Variants in ZZEF1 observed in about 807,000 individuals in gnomAD.
ZZEF1 encodes the protein zinc finger ZZ-type and EF-hand domain containing 1, also known as zinc finger ZZ-type and EF-hand domain-containing protein 1.
In ZZEF1, 157 loss-of-function variants were observed where a neutral mutation model predicts 342.8. That is an observed-to-expected ratio of 0.46 (90% CI 0.40 to 0.52). The LOEUF is 0.52. ZZEF1 is among the 20% of genes least tolerant of loss of function. The pLI, the probability that ZZEF1 is intolerant of heterozygous loss-of-function variation, is 0.00. For synonymous variants in ZZEF1, 1,505 were observed against 1,429.1 expected, an observed-to-expected ratio of 1.05 and a Z score of -1.20; for missense variants, 3,480 against 3,725.6, an observed-to-expected ratio of 0.93 and a Z score of 1.72.
At chr17:4,089,026 T>G (rs1803302878) in intron 12 of ZZEF1, 133 bp from the exon 13 acceptor site, 5 of 711,896 alleles carry the variant, frequency 7.0e-6, no homozygotes, top group Non-Finnish European at 9.2e-6. Flanking sequence ...TGCTCAGCAC[T>G]AGGGACACAA....
At position 4,061,500 on chromosome 17, in the gene ZZEF1, C is replaced by G. The variant is rs559573473; in HGVS notation, c.4883+1253G>C. On this transcript the variant is annotated intron_variant, in intron 30 of 54. Coordinates refer to ENST00000381638, the MANE Select transcript of ZZEF1 (RefSeq NM_015113.4). ...ACTGCATCCAAATTCTATCCCTAGTCCTGACTTCTTTCCGTAACTTTAGTT... is the reference window on the plus strand; with the variant it reads ...ACTGCATCCAAATTCTATCCCTAGTGCTGACTTCTTTCCGTAACTTTAGTT... 1.8e-4 allele frequency among the ~76,000 whole-genome samples: 27 copies of G among 152,232 alleles called. No individual in the cohort carries two copies. The East Asian group carries it at 5.2e-3, about 29-fold the overall frequency.
rs561302721 is a variant in ZZEF1 at position 4,054,347 on chromosome 17, T to C, written c.5296-152A>G. ...AATGAATAAGCTCCTCAGTGTCTAG[T>C]TGGGAATTCCATCAAGGAGGTGATG... On this transcript the variant is annotated intron_variant, in intron 33 of 54. Transcript: ENST00000381638. The C allele has an allele frequency of 5.9e-6, 5 of 844,388 alleles. No individual in the cohort carries two copies. The East Asian group carries it at 8.4e-5, about 14-fold the overall frequency. 52.3% of individuals were successfully genotyped at this position (844,388 alleles called of 1,614,324 possible). A position where few individuals can be genotyped will look rare whatever the true frequency, so the allele number is the denominator to read the frequency against.
chr17:4,070,972 A>C, intron 25 of ZZEF1, 48 bp from the exon 26 acceptor site: 1 of 1,584,930 alleles, frequency 6.3e-7, no homozygotes. Flanking sequence ...TCATTCAAAA[A>C]ATAAAATTTA....
intron 42 of ZZEF1, among the ~76,000 whole-genome samples, chr17:4,026,364 A>G (rs2056402904): frequency 6.6e-6 from 1 of 152,208 alleles, no homozygotes; most frequent in Non-Finnish European, 1.5e-5. Flanking sequence ...GAAGAAACAT[A>G]AAGAAAATCA....
rs1351881490 is a variant in ZZEF1 at position 4,008,741 on chromosome 17, A to G, written c.8805+142T>C. On this transcript the variant is annotated intron_variant, in intron 54 of 54. Coordinates refer to ENST00000381638, the MANE Select transcript of ZZEF1 (RefSeq NM_015113.4). The surrounding 1 kb of genome is among the most constrained non-coding windows in gnomAD (Gnocchi z 4.2). ...GCTCTCTGAGCACCAGGAGGAAGTG[A>G]CTGAACTGGAACAAGCTCTGTGTAA... The G allele has an allele frequency of 7.0e-7, 1 of 1,426,738 alleles. No homozygotes were observed. Among genetic ancestry groups the G allele is most frequent in the Non-Finnish European group, 9.2e-7 (1 of 1,088,566 alleles). The allele number at this position is 1,426,738 out of a possible 1,614,324, so 88.4% of individuals were successfully genotyped here.
chr17:4,024,200 T>TC (rs1265275442), intron 43 of ZZEF1, among the ~76,000 whole-genome samples: 4 of 140,654 alleles, frequency 2.8e-5, no homozygotes, highest in South Asian at 2.4e-4. Context: ...TTTTTTTTTT[T>TC]TTTTTTTTTT....
chr17:4,141,022 C>G (rs1490075434), intron 1 of ZZEF1, among the ~76,000 whole-genome samples: 1 of 152,010 alleles, frequency 6.6e-6, no homozygotes, highest in East Asian at 1.9e-4. Context: ...GGTTGTCCCA[C>G]CTCAGCCTCC....
intron 26 of ZZEF1, among the ~76,000 whole-genome samples, chr17:4,070,258 T>C (rs770306801): frequency 7.2e-5 from 11 of 152,224 alleles, no homozygotes; most frequent in Non-Finnish European, 1.0e-4. Context: ...GTGGTTTTAA[T>C]TGGAATTTCT....
At chr17:4,063,594 C>T (rs1254131615) in intron 29 of ZZEF1, among the ~76,000 whole-genome samples, 1 of 152,142 alleles carries the variant, frequency 6.6e-6, no homozygotes, top group East Asian at 1.9e-4. Context: ...GACAGTCTTG[C>T]TCTATCACCC....
chr17:4,085,865 T>C, intron 15 of ZZEF1, 62 bp from the exon 16 acceptor site: 1 of 1,589,896 alleles, frequency 6.3e-7, no homozygotes. Flanking sequence ...ATACATCTGC[T>C]ATAACTAGCC....
At chr17:4,026,207 A>G (rs1567772104) in intron 42 of ZZEF1, among the ~76,000 whole-genome samples, 3 of 152,216 alleles carry the variant, frequency 2.0e-5, no homozygotes, top group African/African-American at 7.2e-5. Context: ...AGAGCTGGGA[A>G]TACTTTGTCT....
Position 4,088,873 on chromosome 17 carries a change from G to C in ZZEF1, c.2046C>G (p.Leu682=), listed in dbSNP as rs2057891932. The change falls in exon 13 of 55, where the codon CTC becomes CTG. Residue 682 remains leucine (L), a synonymous_variant. Transcript: ENST00000381638. ...RVAKYLMVKF[L]CTRQESAERL... is the part of the protein sequence containing the mutation. ...GCTCTGCTGACTCCTGACGGGTGCA[G>C]AGGAACTTCACCATCAAATACTGGA... The C allele has an allele frequency of 1.4e-5, 22 of 1,614,100 alleles. No individual in the cohort carries two copies. The highest frequency in any genetic ancestry group is 1.9e-5 in the Non-Finnish European group (22 of 1,180,036).
At chr17:4,013,858 T>A (rs561295890) in intron 51 of ZZEF1, among the ~76,000 whole-genome samples, 34 of 152,346 alleles carry the variant, frequency 2.2e-4, no homozygotes, top group African/African-American at 7.7e-4. Flanking sequence ...AGAATAAGCA[T>A]CTTTTTCGGG....
intron 34 of ZZEF1, 33 bp downstream of exon 34, chr17:4,054,024 T>C (rs553946732): frequency 9.1e-5 from 143 of 1,576,768 alleles, no homozygotes; most frequent in Middle Eastern, 1.7e-4. Context: ...GATATTGCCT[T>C]TGGATACGGC....
Position 4,075,443 on chromosome 17 carries a change from T to C in ZZEF1, c.3235-14A>G, listed in dbSNP as rs1177358289. ...CTCAACATCCAGCTATGATAACAAA[T>C]GAGCCAGGGGAAAGAAAGGTTCTAT... On this transcript the variant is annotated splice_polypyrimidine_tract_variant and intron_variant, in intron 21 of 54. Transcript: ENST00000381638. The C allele has an allele frequency of 6.2e-7, 1 of 1,612,186 alleles. No individual in the cohort carries two copies. The highest frequency in any genetic ancestry group is 1.3e-5 in the African/African-American group (1 of 74,908).
At chr17:4,039,305 T>TA (rs1211970332) in intron 39 of ZZEF1, among the ~76,000 whole-genome samples, 8 of 151,638 alleles carry the variant, frequency 5.3e-5, no homozygotes, top group Non-Finnish European at 8.8e-5. Flanking sequence ...CCATCTCTAC[T>TA]AAAAAAACAC....
In ZZEF1 at chr17:4,072,769, G is replaced by A; in HGVS notation, c.3686-13C>T. The A allele has an allele frequency of 3.1e-6, 5 of 1,600,072 alleles. No individual in the cohort carries two copies. The highest frequency in any genetic ancestry group is 4.3e-6 in the Non-Finnish European group (5 of 1,172,658). ...TTACTTCCTAACTCTAGAAAGAGAA[G>A]AAGACATATGACAGTTCTATTTTTG... is the stretch of plus-strand genomic sequence containing the variant. On this transcript the variant is annotated splice_polypyrimidine_tract_variant and intron_variant, in intron 24 of 54. Coordinates refer to ENST00000381638, the MANE Select transcript of ZZEF1 (RefSeq NM_015113.4).
intron 5 of ZZEF1, among the ~76,000 whole-genome samples, chr17:4,111,282 A>G (rs528049923): frequency 2.5e-4 from 38 of 152,290 alleles, no homozygotes; most frequent in African/African-American, 8.7e-4. Flanking sequence ...CATCAAGGCA[A>G]TCATAGTAAC....
intron 37 of ZZEF1, among the ~76,000 whole-genome samples, 183 bp downstream of exon 37, chr17:4,049,520 CAAAAG>C (rs2056999198): frequency 6.6e-6 from 1 of 152,076 alleles, no homozygotes; most frequent in Non-Finnish European, 1.5e-5. Flanking sequence ...CAAAACAAAA[CAAAAG>C]AAAATAAAAC....
Sources: gnomAD v4.1 joint callset for allele counts (sites outside exome capture counted in the v4.1 genomes callset) on GRCh38, gnomAD v4.1.1 for gene constraint, Gnocchi (gnomAD v3.1) non-coding constraint, MANE v1.5 for transcripts, NCBI Gene and HGNC (gene_info 2026-07-23, HGNC 2026-07-21) for gene names.